MIR2052HG: variants seen among roughly 807,000 people sequenced by gnomAD.
MIR2052HG encodes MIR2052 host gene.
At chr8:74,674,136 TTGTGTGTGTGTGTGTGTG>T (rs60255659) in intron 2 of MIR2052HG, among the ~76,000 whole-genome samples, 1 of 145,336 alleles carries the variant, frequency 6.9e-6, no homozygotes, top group African/African-American at 2.5e-5. Flanking sequence ...CCAGAGGTTT[TTGTGTGTGTGTGTGTGTG>T]TGTGTGTGTG....
chr8:74,708,378 G>T (rs1809431998), intron 4 of MIR2052HG, among the ~76,000 whole-genome samples: 1 of 152,082 alleles, frequency 6.6e-6, no homozygotes, highest in African/African-American at 2.4e-5. Flanking sequence ...CCTTCCTCAT[G>T]AGAACCAAAC....
At chr8:74,675,641 G>T (rs981667965) in intron 2 of MIR2052HG, among the ~76,000 whole-genome samples, 1 of 151,878 alleles carries the variant, frequency 6.6e-6, no homozygotes, top group African/African-American at 2.4e-5. Flanking sequence ...TCCAAGTGGG[G>T]TCATTAGAAA....
At chr8:74,749,581 T>C (rs1809923152) in intron 4 of MIR2052HG, among the ~76,000 whole-genome samples, 1 of 152,106 alleles carries the variant, frequency 6.6e-6, no homozygotes, top group African/African-American at 2.4e-5. Context: ...CCAGGCACAG[T>C]GGCTCACGTC....
intron 2 of MIR2052HG, among the ~76,000 whole-genome samples, chr8:74,642,264 C>T (rs538256813): frequency 1.3e-5 from 2 of 151,990 alleles, no homozygotes; most frequent in South Asian, 2.1e-4. Flanking sequence ...TGCGCGGTTT[C>T]CAAGGATTGG....
At chr8:74,674,374 A>G (rs956220578) in intron 2 of MIR2052HG, among the ~76,000 whole-genome samples, 1 of 151,874 alleles carries the variant, frequency 6.6e-6, no homozygotes, top group African/African-American at 2.4e-5. Flanking sequence ...CCCCTCCCCA[A>G]TCCTGGGATG....
At chr8:74,633,697 A>G (rs981647638) in intron 2 of MIR2052HG, among the ~76,000 whole-genome samples, 2 of 152,174 alleles carry the variant, frequency 1.3e-5, no homozygotes, top group Admixed American at 1.3e-4. Flanking sequence ...TTGGGGCTGC[A>G]CTCAGCATTG....
Position 74,691,605 on chromosome 8 carries a change from G to T in MIR2052HG, n.217-10774G>T, listed in dbSNP as rs117511167. Among the ~76,000 whole-genome samples, 1,322 of 152,274 alleles carry T rather than the reference G, an allele frequency of 8.7e-3. 10 individuals are homozygous for T. Among genetic ancestry groups the T allele is most frequent in the Non-Finnish European group, 0.015 (1,018 of 68,016 alleles). On this transcript the variant is annotated intron_variant and non_coding_transcript_variant, in intron 2 of 6. Coordinates refer to ENST00000523442, the Ensembl canonical transcript of MIR2052HG. ...AAACTTAGATGAGCCCAATATGGTA[G>T]GTGGAAACCCAATTCCATGCTGTGC... is the stretch of plus-strand genomic sequence containing the variant.
intron 4 of MIR2052HG, among the ~76,000 whole-genome samples, chr8:74,709,234 C>T (rs1161021715): frequency 6.6e-6 from 1 of 152,072 alleles, no homozygotes; most frequent in Non-Finnish European, 1.5e-5. Flanking sequence ...AATTGCAGAG[C>T]ACTCAAGGCA....
At position 74,655,580 on chromosome 8, in the gene MIR2052HG, G is replaced by A. The variant is rs189674893; in HGVS notation, n.216+42640G>A. ...GTGTTGAGACTGTGCATGTGCTGAA[G>A]AATTGAGGTTTCATAATCTCCACCT... is the stretch of plus-strand genomic sequence containing the variant. On this transcript the variant is annotated intron_variant and non_coding_transcript_variant, in intron 2 of 6. Transcript: ENST00000523442. Among the ~76,000 whole-genome samples, 155 of 152,296 alleles carry A rather than the reference G, an allele frequency of 1.0e-3. 3 individuals carry two copies. The highest frequency in any genetic ancestry group is 2.8e-4 in the Non-Finnish European group (19 of 68,022).
chr8:74,690,830 C>T (rs1007098586), intron 2 of MIR2052HG, among the ~76,000 whole-genome samples: 5 of 151,758 alleles, frequency 3.3e-5, no homozygotes, highest in Admixed American at 6.6e-5. Flanking sequence ...GGAAGACATC[C>T]GGTACCCACA....
intron 2 of MIR2052HG, among the ~76,000 whole-genome samples, chr8:74,659,778 A>G (rs1023369540): frequency 2.3e-4 from 35 of 152,138 alleles, no homozygotes; most frequent in Non-Finnish European, 3.7e-4. Context: ...AGTATTTTCT[A>G]TTTATGAACT....
intron 5 of MIR2052HG, among the ~76,000 whole-genome samples, chr8:74,753,834 A>G (rs1311272780): frequency 1.3e-5 from 2 of 152,186 alleles, no homozygotes; most frequent in Non-Finnish European, 2.9e-5. Context: ...CCTAAAAACT[A>G]TGCTCTTCTC....
chr8:74,670,702 A>G (rs1808982415), intron 2 of MIR2052HG, among the ~76,000 whole-genome samples: 1 of 152,262 alleles, frequency 6.6e-6, no homozygotes, highest in East Asian at 1.9e-4. Flanking sequence ...GGAAGTTGGT[A>G]TATGGTTATC....
At chr8:74,606,331 CTCTCTTAGCT>C (rs1808111701) in intron 1 of MIR2052HG, among the ~76,000 whole-genome samples, 2 of 152,040 alleles carry the variant, frequency 1.3e-5, no homozygotes, top group African/African-American at 4.8e-5. Context: ...GTCTGTCTGG[CTCTCTTAGCT>C]AAGGGAGAGT....
At chr8:74,636,266 C>G (rs1318014652) in intron 2 of MIR2052HG, among the ~76,000 whole-genome samples, 1 of 152,174 alleles carries the variant, frequency 6.6e-6, no homozygotes, top group East Asian at 1.9e-4. Context: ...CCAAGTCCTG[C>G]TGGGATGATA....
Position 74,652,064 on chromosome 8 carries a change from C to T in MIR2052HG, n.216+39124C>T, listed in dbSNP as rs977026862. 2.0e-5 allele frequency among the ~76,000 whole-genome samples: 3 copies of T among 152,156 alleles called. 1 individual carries two copies. Among genetic ancestry groups the T allele is most frequent in the Non-Finnish European group, 4.4e-5 (3 of 68,012 alleles). On this transcript the variant is annotated intron_variant and non_coding_transcript_variant, in intron 2 of 6. Transcript: ENST00000523442. ...CATTTGAGGAACAGGCTGGTATTTA[C>T]TGGAACCCCTGAAAGGCTCCAGCAA... is the stretch of plus-strand genomic sequence containing the variant.
chr8:74,620,165 C>T (rs1054754758), intron 2 of MIR2052HG, among the ~76,000 whole-genome samples: 2 of 152,190 alleles, frequency 1.3e-5, no homozygotes, highest in African/African-American at 4.8e-5. Flanking sequence ...TATGCTGATG[C>T]AAGAGGTGGG....
chr8:74,607,219 A>T lies in MIR2052HG; in HGVS notation n.129-5634A>T, dbSNP rs576906818. 2.0e-5 allele frequency among the ~76,000 whole-genome samples: 3 copies of T among 152,336 alleles called. No individual in the cohort carries two copies. The East Asian group carries it at 5.8e-4, about 29-fold the overall frequency. On this transcript the variant is annotated intron_variant and non_coding_transcript_variant, in intron 1 of 6. Coordinates refer to ENST00000523442, the Ensembl canonical transcript of MIR2052HG. ...GTAGATTTCAGAACATAAAAATAAT[A>T]GTAGCTATAAGATAATTAATTCACA...
At chr8:74,748,091 G>A (rs1809905332) in intron 4 of MIR2052HG, among the ~76,000 whole-genome samples, 1 of 152,022 alleles carries the variant, frequency 6.6e-6, no homozygotes, top group African/African-American at 2.4e-5. Context: ...TGAATTTTAT[G>A]GCCTTTGTTT....
Sources: gnomAD v4.1 joint callset for allele counts (sites outside exome capture counted in the v4.1 genomes callset) on GRCh38, gnomAD v4.1.1 for gene constraint, MANE v1.5 for transcripts, NCBI Gene and HGNC (gene_info 2026-07-23, HGNC 2026-07-21) for gene names.